The following LARP1B variants were observed in gnomAD, a reference collection of about 807,000 sequenced individuals.
LARP1B encodes the protein La ribonucleoprotein 1B.
LARP1B carries 76 observed loss-of-function variants against 114.2 expected under a neutral mutation model. The observed-to-expected ratio is 0.67, with a 90% CI of 0.55 to 0.81. The LOEUF is 0.81. Among genes scored for constraint, LARP1B ranks in the 30% least tolerant of loss-of-function variants. The probability of loss-of-function intolerance (pLI) is 0.00; values close to 1 mark genes in which losing one functional copy is unlikely to be tolerated. For missense variants in LARP1B, 1,014 were observed against 1,075.8 expected (o/e 0.94, Z 0.80); for synonymous variants, 345 against 348.0 (o/e 0.99, Z 0.10).
At chr4:128,080,818 C>T (rs1770041305) in intron 4 of LARP1B, among the ~76,000 whole-genome samples, 1 of 151,864 alleles carries the variant, frequency 6.6e-6, no homozygotes, top group African/African-American at 2.4e-5. Context: ...TCAAGTTAAA[C>T]AAATTTTATA....
At chr4:128,203,317 C>G (rs1756565240) in intron 17 of LARP1B, among the ~76,000 whole-genome samples, 1 of 147,158 alleles carries the variant, frequency 6.8e-6, no homozygotes, top group Admixed American at 6.8e-5. Context: ...ATGATTCCCT[C>G]TCTCCCTCCC....
intron 11 of LARP1B, among the ~76,000 whole-genome samples, chr4:128,155,009 G>T (rs1734803604): frequency 6.6e-6 from 1 of 152,112 alleles, no homozygotes; most frequent in Non-Finnish European, 1.5e-5. Context: ...CTTGACATCA[G>T]GTGATCCACC....
rs1561370550 is a variant in LARP1B, at chr4:128,137,793, T to TA, written c.1524+15605_1524+15606insA. ...TACATATATATATATATATATATAT[T>TA]TTTTTTTTAGGGGGGTTGGTGACAG... On this transcript the variant is annotated intron_variant, in intron 11 of 19. Coordinates refer to ENST00000326639, the MANE Select transcript of LARP1B (RefSeq NM_018078.4). Among the ~76,000 whole-genome samples the TA allele has an allele frequency of 8.4e-3, 257 of 30,510 alleles. 1 individual carries two copies. Among genetic ancestry groups the TA allele is most frequent in the African/African-American group, 0.032 (239 of 7,388 alleles). The allele number at this position is 30,510 out of a possible 152,430, so 20.0% of individuals were successfully genotyped here. A position where few individuals can be genotyped will look rare whatever the true frequency, so the allele number is the denominator to read the frequency against.
chr4:128,169,682 G>A (rs1221186155), intron 12 of LARP1B, among the ~76,000 whole-genome samples: 1 of 151,818 alleles, frequency 6.6e-6, no homozygotes, highest in Non-Finnish European at 1.5e-5. Flanking sequence ...TGTCGCCCAG[G>A]CTGGAGTGCA....
chr4:128,214,652 T>G (rs1440858110), downstream of LARP1B, among the ~76,000 whole-genome samples: 5 of 93,778 alleles, frequency 5.3e-5, no homozygotes, highest in Admixed American at 3.7e-4. Flanking sequence ...TACATCACCA[T>G]CATCAAAGAC....
At chr4:128,120,663 T>A (rs1409594325) in intron 10 of LARP1B, among the ~76,000 whole-genome samples, 1 of 151,266 alleles carries the variant, frequency 6.6e-6, no homozygotes, top group Non-Finnish European at 1.5e-5. Context: ...AGAGATGGGG[T>A]CTCACCATGT....
intron 5 of LARP1B, among the ~76,000 whole-genome samples, chr4:128,084,486 G>T (rs560608685): frequency 6.6e-6 from 1 of 152,198 alleles, no homozygotes; most frequent in Admixed American, 6.5e-5. Flanking sequence ...CCAGTCAGGC[G>T]TGGTGGCGCG....
At chr4:128,117,569 A>G (rs1241699585) in intron 10 of LARP1B, among the ~76,000 whole-genome samples, 1 of 151,984 alleles carries the variant, frequency 6.6e-6, no homozygotes, top group African/African-American at 2.4e-5. Flanking sequence ...TGTTTTTAGT[A>G]GACGGGGTTT....
chr4:128,109,643 G>T (rs926820285), intron 9 of LARP1B, among the ~76,000 whole-genome samples: 3 of 151,310 alleles, frequency 2.0e-5, no homozygotes, highest in Non-Finnish European at 2.9e-5. Context: ...ACAATGTTGG[G>T]TTTTTTTCTT....
intron 12 of LARP1B, among the ~76,000 whole-genome samples, chr4:128,164,408 T>C (rs917232584): frequency 6.6e-6 from 1 of 152,114 alleles, no homozygotes; most frequent in African/African-American, 2.4e-5. Context: ...ATAGAAAGCA[T>C]ACAAGTCACA....
intron 15 of LARP1B, among the ~76,000 whole-genome samples, chr4:128,189,681 G>A (rs1461400655): frequency 6.6e-6 from 1 of 151,838 alleles, no homozygotes; most frequent in Non-Finnish European, 1.5e-5. Flanking sequence ...TTTATTTTTA[G>A]TGTATCTATC....
intron 12 of LARP1B, among the ~76,000 whole-genome samples, chr4:128,166,536 C>T (rs1458319769): frequency 2.0e-5 from 3 of 151,676 alleles, no homozygotes; most frequent in African/African-American, 7.3e-5. Flanking sequence ...AATAGTTAAG[C>T]AAATGAACAT....
intron 11 of LARP1B, among the ~76,000 whole-genome samples, chr4:128,141,668 G>C (rs192883796): frequency 6.6e-6 from 1 of 152,096 alleles, no homozygotes; most frequent in Admixed American, 6.5e-5. Context: ...TTTCTTGGAG[G>C]TACTTAGCTT....
In LARP1B at chr4:128,129,698, G is replaced by T. The variant is rs141133893; in HGVS notation, c.1524+7510G>T. Among the ~76,000 whole-genome samples the T allele has an allele frequency of 3.4e-4, 51 of 152,220 alleles. No individual in the cohort carries two copies. The Middle Eastern group carries it at 0.02, about 61-fold the overall frequency. On this transcript the variant is annotated intron_variant, in intron 11 of 19. Transcript: ENST00000326639. ...AATAGACAACTAAATCAATAGAACAGAATGGAAAGTGCAGAAATAGACCCA... is the reference window on the plus strand; with the variant it reads ...AATAGACAACTAAATCAATAGAACATAATGGAAAGTGCAGAAATAGACCCA...
chr4:128,135,278 G>C (rs1432661169), intron 11 of LARP1B, among the ~76,000 whole-genome samples: 1 of 152,072 alleles, frequency 6.6e-6, no homozygotes, highest in African/African-American at 2.4e-5. Context: ...GAAAATAGTT[G>C]TTAACAAGGA....
At chr4:128,122,596 A>G in intron 11 of LARP1B, 1 of 1,496,472 alleles carries the variant, frequency 6.7e-7, no homozygotes. Flanking sequence ...TGTATGAGCC[A>G]GTGGCTTTAG....
intron 19 of LARP1B, among the ~76,000 whole-genome samples, chr4:128,208,155 C>CT (rs1227430902): frequency 2.6e-5 from 4 of 152,028 alleles, no homozygotes; most frequent in African/African-American, 9.7e-5. Flanking sequence ...TGGCAAAACT[C>CT]TGTCTCTACT....
rs543943895 is a variant in LARP1B at position 128,156,341 on chromosome 4, C to CAT, written c.1525-5850_1525-5849dup. The CAT allele has an allele frequency of 2.5e-4, 166 of 665,748 alleles. 2 individuals are homozygous for CAT. The South Asian group carries it at 2.8e-3, about 11-fold the overall frequency. 41.2% of individuals were successfully genotyped at this position (665,748 alleles called of 1,614,324 possible). Reference sequence around the variant, plus strand: ...TCTCCATCCCTCTAATGAGACTAACCATATTGTGCTTCACAGTAGAGCCAG... The same window carrying CAT: ...TCTCCATCCCTCTAATGAGACTAACCATATATTGTGCTTCACAGTAGAGCCAG... On this transcript the variant is annotated intron_variant, in intron 11 of 19. Transcript: ENST00000326639.
chr4:128,097,023 C>G (rs768388270), intron 7 of LARP1B, among the ~76,000 whole-genome samples: 11 of 151,548 alleles, frequency 7.3e-5, no homozygotes, highest in Non-Finnish European at 1.3e-4. Flanking sequence ...CTCAGCTTCC[C>G]GAGTAGCTGG....
Sources: gnomAD v4.1 joint callset for allele counts (sites outside exome capture counted in the v4.1 genomes callset) on GRCh38, gnomAD v4.1.1 for gene constraint, MANE v1.5 for transcripts, NCBI Gene and HGNC (gene_info 2026-07-23, HGNC 2026-07-21) for gene names.